Variants in SV2B observed in about 807,000 individuals in gnomAD.
SV2B encodes synaptic vesicle glycoprotein 2B, also known as solute carrier family 22 member B2.
SV2B carries 41 observed loss-of-function variants against 73.9 expected under a neutral mutation model. That is an observed-to-expected ratio of 0.56 (90% CI 0.43 to 0.72). The LOEUF is 0.72. Among genes scored for constraint, SV2B ranks in the 30% least tolerant of loss-of-function variants. The pLI is 0.00. For synonymous variants in SV2B, 314 were observed against 314.2 expected (o/e 1.00, Z 0.01); for missense variants, 764 against 857.8 (o/e 0.89, Z 1.37).
chr15:91,235,854 T>C (rs546868203), intron 2 of SV2B, among the ~76,000 whole-genome samples: 1 of 151,974 alleles, frequency 6.6e-6, no homozygotes, highest in East Asian at 1.9e-4. Context: ...TTAGTTTTAC[T>C]GGGAATAAAC....
chr15:91,173,107 TGAG>T (rs1411011806), intron 1 of SV2B, among the ~76,000 whole-genome samples: 15 of 151,932 alleles, frequency 9.9e-5, no homozygotes, highest in Admixed American at 5.9e-4. Flanking sequence ...TGGGCCTCTG[TGAG>T]GAGGAGAAAT....
rs767819765 is a variant in SV2B, at chr15:91,295,293, C to A, written c.*2741C>A. Reference sequence around the variant, plus strand: ...AAAATAATTAGTGAAAGAGGTGTGCCTATCTGTGAAGTTTGTAGTACATCA... The same window carrying A: ...AAAATAATTAGTGAAAGAGGTGTGCATATCTGTGAAGTTTGTAGTACATCA... On this transcript the variant is annotated 3_prime_UTR_variant, in exon 13 of 13. Transcript: ENST00000394232. 2.6e-5 allele frequency: 4 copies of A among 152,150 alleles called. No individual in the cohort carries two copies. The highest frequency in any genetic ancestry group is 1.3e-4 in the Admixed American group (2 of 15,260). The allele number at this position is 152,150 out of a possible 1,614,324, so 9.4% of individuals were successfully genotyped here. A position where few individuals can be genotyped will look rare whatever the true frequency, so the allele number is the denominator to read the frequency against.
Position 91,226,651 on chromosome 15 carries a change from A to G in SV2B, c.388A>G (p.Ser130Gly). Reference sequence around the variant, plus strand: ...CGATGGGGTGGAAGTGTTCGTGGTGAGTTTTGCCCTGCCCAGTGCAGAGAA... The same window carrying G: ...CGATGGGGTGGAAGTGTTCGTGGTGGGTTTTGCCCTGCCCAGTGCAGAGAA... ...MADGVEVFVV[S>G]FALPSAEKDM... The change falls in exon 2 of 13, where the codon AGT becomes GGT. Residue 130 changes from serine to glycine, a missense_variant. Coordinates refer to ENST00000394232, the MANE Select transcript of SV2B (RefSeq NM_001323032.3). 1.2e-6 allele frequency: 2 copies of G among 1,613,934 alleles called. No individual in the cohort carries two copies. Among genetic ancestry groups the G allele is most frequent in the Non-Finnish European group, 1.7e-6 (2 of 1,180,002 alleles).
rs1343255788 is a variant in SV2B at position 91,293,064 on chromosome 15, T to G, written c.*512T>G. Reference sequence around the variant, plus strand: ...CCTATCATATTTTCCACTCGAAAATTGACATAGTAGCATTGAGGATACTCT... The same window carrying G: ...CCTATCATATTTTCCACTCGAAAATGGACATAGTAGCATTGAGGATACTCT... On this transcript the variant is annotated 3_prime_UTR_variant, in exon 13 of 13. Coordinates refer to ENST00000394232, the MANE Select transcript of SV2B (RefSeq NM_001323032.3). The G allele has an allele frequency of 1.3e-5, 2 of 152,574 alleles. No individual in the cohort carries two copies. Among genetic ancestry groups the G allele is most frequent in the Admixed American group, 1.3e-4 (2 of 15,310 alleles). 9.5% of individuals were successfully genotyped at this position (152,574 alleles called of 1,614,324 possible). A position where few individuals can be genotyped will look rare whatever the true frequency, so the allele number is the denominator to read the frequency against.
chr15:91,107,376 A>G (rs1044135416), intron 1 of SV2B, among the ~76,000 whole-genome samples: 17 of 151,116 alleles, frequency 1.1e-4, no homozygotes, highest in Admixed American at 9.2e-4. Context: ...GTAGTGGCAC[A>G]ATCTTAGCTC....
intron 1 of SV2B, among the ~76,000 whole-genome samples, chr15:91,111,415 C>T (rs1198738348): frequency 5.9e-5 from 9 of 152,132 alleles, no homozygotes; most frequent in Admixed American, 5.9e-4. Flanking sequence ...TAGGGGAGCT[C>T]ATTAATTAAT....
At chr15:91,248,314 A>C (rs2141597715) in intron 2 of SV2B, among the ~76,000 whole-genome samples, 1 of 152,314 alleles carries the variant, frequency 6.6e-6, no homozygotes, top group African/African-American at 2.4e-5. Flanking sequence ...GAGCATCTAA[A>C]AAACAAAAAA....
chr15:91,301,851 A>G lies in SV2B; in HGVS notation c.*9299A>G, dbSNP rs1007196289. Among the ~76,000 whole-genome samples the G allele has an allele frequency of 6.6e-6, 1 of 152,216 alleles. No individual in the cohort carries two copies. The highest frequency in any genetic ancestry group is 2.4e-5 in the African/African-American group (1 of 41,456). On this transcript the variant is annotated 3_prime_UTR_variant, in exon 13 of 13. Transcript: ENST00000394232. This position sits in a 1 kb window ranked among gnomAD's most constrained non-coding sequence, Gnocchi z 4.3. ...TCCTTGGAGTACACGTTGGCGCTCA[A>G]AAAGTTTTCAATTTGGGAGCATTTC...
intron 1 of SV2B, among the ~76,000 whole-genome samples, chr15:91,172,462 A>T (rs1263965919): frequency 6.6e-6 from 1 of 152,152 alleles, no homozygotes; most frequent in Non-Finnish European, 1.5e-5. Flanking sequence ...CCCTCCCTGG[A>T]TACAGCATTT....
chr15:91,187,366 A>G (rs2044813249), intron 1 of SV2B, among the ~76,000 whole-genome samples: 1 of 152,230 alleles, frequency 6.6e-6, no homozygotes, highest in Non-Finnish European at 1.5e-5. Flanking sequence ...CATTTAATCG[A>G]TAATTTTTTA....
At chr15:91,287,009 T>C (rs1001952794) in intron 11 of SV2B, among the ~76,000 whole-genome samples, 1 of 152,212 alleles carries the variant, frequency 6.6e-6, no homozygotes, top group Non-Finnish European at 1.5e-5. Flanking sequence ...GCCCCATGGC[T>C]GGCCCCTCTG....
At chr15:91,235,596 C>T (rs902740941) in intron 2 of SV2B, among the ~76,000 whole-genome samples, 1 of 152,134 alleles carries the variant, frequency 6.6e-6, no homozygotes, top group African/African-American at 2.4e-5. Context: ...ACAAAACACT[C>T]ATTTTATCAT....
intron 1 of SV2B, among the ~76,000 whole-genome samples, chr15:91,221,038 T>C (rs1448067282): frequency 6.6e-6 from 1 of 151,962 alleles, no homozygotes; most frequent in Non-Finnish European, 1.5e-5. Flanking sequence ...TGACTTTTTG[T>C]ATTTTTTTGT....
chr15:91,108,392 G>A (rs750559591), intron 1 of SV2B, among the ~76,000 whole-genome samples: 12 of 152,360 alleles, frequency 7.9e-5, no homozygotes, highest in Non-Finnish European at 1.5e-4. Flanking sequence ...TTGGAGTCAT[G>A]TGTAGTATAT....
At position 91,134,004 on chromosome 15, in the gene SV2B, C is replaced by CTTTTTTTTTTTTTTTTTTTTTTTTTTTTT. The variant is rs10637206; in HGVS notation, c.-392+33653_-392+33654insTTTTTTTTTTTTTTTTTTTTTTTTTTTTT. Among the ~76,000 whole-genome samples the CTTTTTTTTTTTTTTTTTTTTTTTTTTTTT allele has an allele frequency of 1.3e-4, 14 of 106,212 alleles. 2 individuals are homozygous for CTTTTTTTTTTTTTTTTTTTTTTTTTTTTT. Among genetic ancestry groups the CTTTTTTTTTTTTTTTTTTTTTTTTTTTTT allele is most frequent in the Non-Finnish European group, 2.2e-4 (12 of 54,796 alleles). The allele number at this position is 106,212 out of a possible 152,430, so 69.7% of individuals were successfully genotyped here. A position where few individuals can be genotyped will look rare whatever the true frequency, so the allele number is the denominator to read the frequency against. ...TGCCTCTTCACCACTTTCTTTCTTC[C>CTTTTTTTTTTTTTTTTTTTTTTTTTTTTT]TTTTTTTTTTTTGAGATGGAGTCTT... On this transcript the variant is annotated intron_variant, in intron 1 of 12. Coordinates refer to ENST00000394232, the MANE Select transcript of SV2B (RefSeq NM_001323032.3).
chr15:91,273,209 G>A (rs1714938282), intron 9 of SV2B, among the ~76,000 whole-genome samples: 1 of 152,120 alleles, frequency 6.6e-6, no homozygotes, highest in Non-Finnish European at 1.5e-5. Context: ...CCAGTGGTGG[G>A]CCAGGTCAAT....
In SV2B at chr15:91,268,395, G is replaced by A; in HGVS notation, c.1209-46G>A. The A allele has an allele frequency of 6.3e-7, 1 of 1,577,926 alleles. No homozygotes were observed. Among genetic ancestry groups the A allele is most frequent in the Non-Finnish European group, 8.7e-7 (1 of 1,155,828 alleles). ...AAGAGTGTAGACCCTGATCATGAAAGAATGAATCCTGTTGTTGTTGCAACC... is the reference window on the plus strand; with the variant it reads ...AAGAGTGTAGACCCTGATCATGAAAAAATGAATCCTGTTGTTGTTGCAACC... On this transcript the variant is annotated intron_variant, in intron 8 of 12. Coordinates refer to ENST00000394232, the MANE Select transcript of SV2B (RefSeq NM_001323032.3). This position sits in a 1 kb window ranked among gnomAD's most constrained non-coding sequence, Gnocchi z 4.4.
intron 1 of SV2B, among the ~76,000 whole-genome samples, chr15:91,188,222 T>A (rs1221707482): frequency 1.3e-5 from 2 of 152,034 alleles, no homozygotes; most frequent in African/African-American, 4.8e-5. Flanking sequence ...GGACTGTCTG[T>A]AGATTATGTG....
rs1278315263 is a variant in SV2B at position 91,132,803 on chromosome 15, G to T, written c.-392+32440G>T. ...TGCAGTGAGCTATAGTCGCACCACT[G>T]CACTCCAGCCTGGGCAACAGAGTGA... On this transcript the variant is annotated intron_variant, in intron 1 of 12. Coordinates refer to ENST00000394232, the MANE Select transcript of SV2B (RefSeq NM_001323032.3). The surrounding 1 kb of genome is among the most constrained non-coding windows in gnomAD (Gnocchi z 4.6). Among the ~76,000 whole-genome samples, 2 of 152,006 alleles carry T rather than the reference G, an allele frequency of 1.3e-5. No homozygotes were observed. Among genetic ancestry groups the T allele is most frequent in the Non-Finnish European group, 2.9e-5 (2 of 67,978 alleles).
Sources: gnomAD v4.1 joint callset for allele counts (sites outside exome capture counted in the v4.1 genomes callset) on GRCh38, gnomAD v4.1.1 for gene constraint, Gnocchi (gnomAD v3.1) non-coding constraint, MANE v1.5 for transcripts, NCBI Gene and HGNC (gene_info 2026-07-23, HGNC 2026-07-21) for gene names.